NCEH1: variants seen among roughly 807,000 people sequenced by gnomAD.
NCEH1 encodes neutral cholesterol ester hydrolase 1, also known as 2-acetyl MAGE hydrolase.
NCEH1 carries 9 observed loss-of-function variants against 25.4 expected under a neutral mutation model. The ratio of observed to expected loss-of-function variants is 0.35; its 90% CI spans 0.21 to 0.62. The LOEUF is 0.62. NCEH1 is among the 20% of genes least tolerant of loss of function. The pLI is 0.72. For synonymous variants in NCEH1, 200 were observed against 199.8 expected (o/e 1.00, Z -0.01); for missense variants, 412 against 501.1 (o/e 0.82, Z 1.70).
At chr3:172,643,666 G>A (rs867696418) in intron 3 of NCEH1, among the ~76,000 whole-genome samples, 13 of 152,332 alleles carry the variant, frequency 8.5e-5, no homozygotes, top group Middle Eastern at 3.4e-3. Context: ...GATAAGGGGA[G>A]AAGGGAATGG....
intron 1 of NCEH1, among the ~76,000 whole-genome samples, chr3:172,679,746 T>G (rs1712235247): frequency 6.6e-6 from 1 of 152,106 alleles, no homozygotes; most frequent in African/African-American, 2.4e-5. Context: ...TGCCAGCCAT[T>G]AGAAACTGGC....
chr3:172,630,764 T>G lies in NCEH1; in HGVS notation c.*2711A>C, dbSNP rs926257673. 3.3e-5 allele frequency: 5 copies of G among 152,356 alleles called. No homozygotes were observed. Among genetic ancestry groups the G allele is most frequent in the Middle Eastern group, 3.4e-3 (1 of 294 alleles). 9.4% of individuals were successfully genotyped at this position (152,356 alleles called of 1,614,324 possible). A position where few individuals can be genotyped will look rare whatever the true frequency, so the allele number is the denominator to read the frequency against. On this transcript the variant is annotated 3_prime_UTR_variant, in exon 5 of 5. Transcript: ENST00000475381. The stretch of plus-strand genomic sequence containing the variant: ...AAAATATATTTGCTATTAAAATCAT[T>G]CATAAAATCTACCTTCCCCTTCGTA...
chr3:172,657,978 G>C (rs1717779332), intron 1 of NCEH1, among the ~76,000 whole-genome samples: 1 of 152,188 alleles, frequency 6.6e-6, no homozygotes, highest in African/African-American at 2.4e-5. Flanking sequence ...GTCTTGAATA[G>C]GGGCTGGGTA....
chr3:172,645,842 A>G, intron 2 of NCEH1, 150 bp from the exon 3 acceptor site: 1 of 486,892 alleles, frequency 2.1e-6, no homozygotes, highest in Non-Finnish European at 3.7e-6. Flanking sequence ...ATAGAGTTAC[A>G]TGTACACATG....
chr3:172,710,587 G>A (rs1426116236), intron 1 of NCEH1, among the ~76,000 whole-genome samples: 2 of 152,218 alleles, frequency 1.3e-5, no homozygotes, highest in East Asian at 1.9e-4. Context: ...ACAGACGAAG[G>A]TTTAAACAGT....
intron 1 of NCEH1, among the ~76,000 whole-genome samples, chr3:172,683,514 A>T (rs1314554556): frequency 6.6e-6 from 1 of 152,118 alleles, no homozygotes; most frequent in Non-Finnish European, 1.5e-5. Flanking sequence ...CTACAAAAAA[A>T]ATAGAATAAA....
chr3:172,695,489 G>A (rs1713303325), intron 1 of NCEH1, among the ~76,000 whole-genome samples: 1 of 152,202 alleles, frequency 6.6e-6, no homozygotes, highest in Admixed American at 6.5e-5. Context: ...ATTACCTGGA[G>A]TAGAATTTTG....
chr3:172,643,169 G>A (rs879491144), intron 3 of NCEH1, among the ~76,000 whole-genome samples: 1 of 152,038 alleles, frequency 6.6e-6, no homozygotes, highest in Non-Finnish European at 1.5e-5. Context: ...TCGAACTCCC[G>A]ACCTCAGGTG....
At chr3:172,676,613 C>G (rs1712023198) in intron 1 of NCEH1, among the ~76,000 whole-genome samples, 2 of 152,116 alleles carry the variant, frequency 1.3e-5, no homozygotes, top group Admixed American at 1.3e-4. Flanking sequence ...TCGAATCCCC[C>G]CTCCCTTTGT....
At chr3:172,688,940 A>C (rs1712864909) in intron 1 of NCEH1, among the ~76,000 whole-genome samples, 1 of 152,264 alleles carries the variant, frequency 6.6e-6, no homozygotes, top group Non-Finnish European at 1.5e-5. Flanking sequence ...CTTTCAGAGC[A>C]CGTAAATGTC....
intron 1 of NCEH1, among the ~76,000 whole-genome samples, chr3:172,673,840 G>T (rs528028869): frequency 1.3e-5 from 2 of 152,130 alleles, no homozygotes; most frequent in Admixed American, 1.3e-4. Flanking sequence ...CTTCTCAGCC[G>T]CATACTTTTC....
intron 1 of NCEH1, among the ~76,000 whole-genome samples, chr3:172,694,055 A>G (rs763844444): frequency 6.6e-6 from 1 of 152,078 alleles, no homozygotes; most frequent in Non-Finnish European, 1.5e-5. Context: ...CACCACACCC[A>G]GCCAACTTTT....
intron 1 of NCEH1, among the ~76,000 whole-genome samples, chr3:172,692,306 G>C (rs1465900981): frequency 6.6e-6 from 1 of 152,114 alleles, no homozygotes; most frequent in Non-Finnish European, 1.5e-5. Context: ...TGGCCACCAG[G>C]AGTTAAATGC....
chr3:172,639,234 G>A (rs555418155), intron 3 of NCEH1, among the ~76,000 whole-genome samples: 7 of 149,206 alleles, frequency 4.7e-5, no homozygotes, highest in South Asian at 4.2e-4. Flanking sequence ...GGAGTTGGAG[G>A]TTGCAGTGAG....
rs1177619109 is a variant in NCEH1, at chr3:172,631,007, G to C, written c.*2468C>G. 1 of 150,574 alleles carries C rather than the reference G, an allele frequency of 6.6e-6. No individual in the cohort carries two copies. Among genetic ancestry groups the C allele is most frequent in the African/African-American group, 2.5e-5 (1 of 40,794 alleles). 9.3% of individuals were successfully genotyped at this position (150,574 alleles called of 1,614,324 possible). ...TTTTTTCATAAAATAGGAAAAGAAA[G>C]CCACAGTACTAAAAAAAAAAAATCA... On this transcript the variant is annotated 3_prime_UTR_variant, in exon 5 of 5. Transcript: ENST00000475381.
In NCEH1 at chr3:172,632,466, T is replaced by C. The variant is rs1716406737; in HGVS notation, c.*1009A>G. 1 of 152,496 alleles carries C rather than the reference T, an allele frequency of 6.6e-6. No individual in the cohort carries two copies. Among genetic ancestry groups the C allele is most frequent in the Non-Finnish European group, 1.5e-5 (1 of 68,000 alleles). The allele number at this position is 152,496 out of a possible 1,614,324, so 9.4% of individuals were successfully genotyped here. A position where few individuals can be genotyped will look rare whatever the true frequency, so the allele number is the denominator to read the frequency against. ...AACAATACATTATATTGTAGCAAAA[T>C]AGCTCCATTTTAAAGCCATATAAGT... On this transcript the variant is annotated 3_prime_UTR_variant, in exon 5 of 5. Transcript: ENST00000475381.
At chr3:172,647,141 A>G (rs768638025) in intron 2 of NCEH1, among the ~76,000 whole-genome samples, 8 of 152,196 alleles carry the variant, frequency 5.3e-5, no homozygotes, top group Non-Finnish European at 1.2e-4. Flanking sequence ...TGATAAAATA[A>G]AAAAAACAAG....
chr3:172,672,371 C>T (rs916340431), intron 1 of NCEH1, among the ~76,000 whole-genome samples: 2 of 152,160 alleles, frequency 1.3e-5, no homozygotes, highest in African/African-American at 2.4e-5. Flanking sequence ...GGCCAGGAAG[C>T]CCTTTTTAAT....
intron 1 of NCEH1, among the ~76,000 whole-genome samples, chr3:172,667,062 T>C (rs1365163781): frequency 6.6e-6 from 1 of 152,204 alleles, no homozygotes; most frequent in Non-Finnish European, 1.5e-5. Flanking sequence ...GGTCCTTTGC[T>C]GTACACTGCA....
Sources: gnomAD v4.1 joint callset for allele counts (sites outside exome capture counted in the v4.1 genomes callset) on GRCh38, gnomAD v4.1.1 for gene constraint, MANE v1.5 for transcripts, NCBI Gene and HGNC (gene_info 2026-07-23, HGNC 2026-07-21) for gene names.